CACHD1: variants seen among roughly 807,000 people sequenced by gnomAD.
CACHD1 encodes the protein cache domain containing 1, also known as VWFA and cache domain-containing protein 1.
In CACHD1, 71 loss-of-function variants were observed where a neutral mutation model predicts 138.7. That is an observed-to-expected ratio of 0.51 (90% CI 0.42 to 0.62). The LOEUF is 0.62. CACHD1 is among the 20% of genes least tolerant of loss of function. CACHD1 has a pLI of 0.00. For missense variants in CACHD1, 1,389 were observed against 1,625.3 expected (o/e 0.85, Z 2.50); for synonymous variants, 578 against 591.5 (o/e 0.98, Z 0.33).
chr1:64,537,459 A>G (rs1646642118), intron 1 of CACHD1, among the ~76,000 whole-genome samples: 1 of 152,166 alleles, frequency 6.6e-6, no homozygotes, highest in African/African-American at 2.4e-5. Context: ...GGGGGAAAAA[A>G]TCACTTTCTC....
chr1:64,487,552 T>C (rs564309178), intron 1 of CACHD1, among the ~76,000 whole-genome samples: 1 of 152,306 alleles, frequency 6.6e-6, no homozygotes, highest in East Asian at 1.9e-4. Context: ...TTATCACTGT[T>C]ACCATTCCAC....
intron 3 of CACHD1, among the ~76,000 whole-genome samples, chr1:64,588,553 A>G (rs1647071314): frequency 6.7e-6 from 1 of 150,082 alleles, no homozygotes; most frequent in Non-Finnish European, 1.5e-5. Flanking sequence ...TAATTTTTGT[A>G]TTTTTGTAGA....
chr1:64,599,590 A>G (rs1365425813), intron 3 of CACHD1, among the ~76,000 whole-genome samples: 1 of 152,186 alleles, frequency 6.6e-6, no homozygotes, highest in Non-Finnish European at 1.5e-5. Context: ...TATTGTTGAC[A>G]AGTACCACAT....
intron 2 of CACHD1, among the ~76,000 whole-genome samples, chr1:64,567,550 C>G (rs376302383): frequency 9.2e-5 from 14 of 152,172 alleles, no homozygotes; most frequent in East Asian, 7.7e-4. Context: ...AGTTCTTCGC[C>G]TCATTTTGAG....
chr1:64,485,132 G>T (rs1013448362), intron 1 of CACHD1, among the ~76,000 whole-genome samples: 2 of 152,150 alleles, frequency 1.3e-5, no homozygotes, highest in South Asian at 2.1e-4. Context: ...ACCAATACTT[G>T]TTTTTTGTTT....
At chr1:64,644,089 A>G (rs1648825500) in intron 8 of CACHD1, among the ~76,000 whole-genome samples, 1 of 152,338 alleles carries the variant, frequency 6.6e-6, no homozygotes, top group South Asian at 2.1e-4. Flanking sequence ...AGCATGAACT[A>G]TGTCTTAGTT....
intron 11 of CACHD1, 107 bp downstream of exon 11, chr1:64,653,988 T>G (rs1205579118): frequency 1.7e-5 from 17 of 1,001,522 alleles, no homozygotes; most frequent in Non-Finnish European, 2.3e-5. Flanking sequence ...TATAAATTAT[T>G]TTAATGTTAT....
intron 1 of CACHD1, among the ~76,000 whole-genome samples, chr1:64,541,301 G>A (rs1331366623): frequency 6.6e-6 from 1 of 152,198 alleles, no homozygotes; most frequent in Non-Finnish European, 1.5e-5. Context: ...TAACAATAAG[G>A]TTAGGACCTA....
At chr1:64,624,605 A>G (rs1648034357) in intron 4 of CACHD1, among the ~76,000 whole-genome samples, 1 of 152,178 alleles carries the variant, frequency 6.6e-6, no homozygotes, top group African/African-American at 2.4e-5. Context: ...ACAAAGGGCA[A>G]GTTTCCTGGC....
chr1:64,587,794 C>T (rs1647062584), intron 3 of CACHD1, among the ~76,000 whole-genome samples: 1 of 152,156 alleles, frequency 6.6e-6, no homozygotes, highest in Non-Finnish European at 1.5e-5. Context: ...ATCCTGGGCT[C>T]TCCCACAAGG....
At chr1:64,652,530 A>G (rs918757930) in intron 10 of CACHD1, among the ~76,000 whole-genome samples, 5 of 152,204 alleles carry the variant, frequency 3.3e-5, no homozygotes, top group African/African-American at 1.2e-4. Context: ...GGTTATTTGT[A>G]ACATCAGGAA....
intron 1 of CACHD1, among the ~76,000 whole-genome samples, chr1:64,542,384 T>C (rs1260728962): frequency 1.3e-5 from 2 of 152,184 alleles, no homozygotes; most frequent in African/African-American, 4.8e-5. Context: ...TTTCCCTTTG[T>C]TATACAAACT....
chr1:64,502,473 C>T (rs1185876303), intron 1 of CACHD1, among the ~76,000 whole-genome samples: 1 of 152,132 alleles, frequency 6.6e-6, no homozygotes, highest in African/African-American at 2.4e-5. Context: ...CTAAAAAACA[C>T]ATGTGCCTGC....
intron 23 of CACHD1, 68 bp downstream of exon 23, chr1:64,678,378 A>C (rs1570476780): frequency 7.1e-7 from 1 of 1,406,804 alleles, no homozygotes; most frequent in East Asian, 2.6e-5. Flanking sequence ...ATGCTAGGAC[A>C]TCTTAAAATA....
At chr1:64,632,396 TACAG>T (rs1238639248) in intron 5 of CACHD1, among the ~76,000 whole-genome samples, 199 bp from the exon 6 acceptor site, 1 of 152,194 alleles carries the variant, frequency 6.6e-6, no homozygotes, top group Non-Finnish European at 1.5e-5. Context: ...ATCCCTGTTC[TACAG>T]ACACACCTTG....
chr1:64,533,929 A>G (rs1022766415), intron 1 of CACHD1, among the ~76,000 whole-genome samples: 1 of 149,150 alleles, frequency 6.7e-6, no homozygotes, highest in African/African-American at 2.5e-5. Flanking sequence ...ATTTTTTTGT[A>G]TTTTTACTAG....
chr1:64,544,386 G>C (rs1646702152), intron 1 of CACHD1, among the ~76,000 whole-genome samples: 1 of 152,122 alleles, frequency 6.6e-6, no homozygotes, highest in Admixed American at 6.6e-5. Context: ...CCAACTGTCT[G>C]GACTGACCAT....
At chr1:64,546,464 A>G (rs1233815577) in intron 1 of CACHD1, among the ~76,000 whole-genome samples, 1 of 151,746 alleles carries the variant, frequency 6.6e-6, no homozygotes, top group Non-Finnish European at 1.5e-5. Context: ...CCTCCTGAGT[A>G]GCTGAACTAC....
rs575705380 is a variant in CACHD1 at position 64,647,979 on chromosome 1, C to T, written c.1335C>T (p.Asn445=). Residue 445 remains asparagine, a synonymous_variant, in exon 9 of 27, where the codon AAC becomes AAT. Transcript: ENST00000651257. ...TVGRFYTNLP[N]RMIDEAVFSL... is the part of the protein sequence containing the mutation. ...GCAGGTTCTACACAAACCTTCCCAACCGGATGATTGATGAAGCCGTCTTCA... is the reference window on the plus strand; with the variant it reads ...GCAGGTTCTACACAAACCTTCCCAATCGGATGATTGATGAAGCCGTCTTCA... The T allele has an allele frequency of 2.2e-5, 36 of 1,613,896 alleles. No individual in the cohort carries two copies. The African/African-American group carries it at 2.9e-4, about 13-fold the overall frequency.
Sources: gnomAD v4.1 joint callset for allele counts (sites outside exome capture counted in the v4.1 genomes callset) on GRCh38, gnomAD v4.1.1 for gene constraint, MANE v1.5 for transcripts, NCBI Gene and HGNC (gene_info 2026-07-23, HGNC 2026-07-21) for gene names.